Variants in MTUS2 observed in about 807,000 individuals in gnomAD.
MTUS2 encodes microtubule-associated tumor suppressor candidate 2.
MTUS2 carries 40 observed loss-of-function variants against 114.1 expected under a neutral mutation model. The ratio of observed to expected loss-of-function variants is 0.35; its 90% CI spans 0.27 to 0.46. MTUS2 has a LOEUF of 0.46. Among genes scored for constraint, MTUS2 ranks in the 20% least tolerant of loss-of-function variants. The pLI is 1.00. For synonymous variants in MTUS2, 688 were observed against 672.0 expected (o/e 1.02, Z -0.37); for missense variants, 1,679 against 1,705.4 (o/e 0.98, Z 0.27).
At chr13:28,955,084 T>C (rs1030140447) in intron 2 of MTUS2, among the ~76,000 whole-genome samples, 5 of 152,214 alleles carry the variant, frequency 3.3e-5, no homozygotes, top group African/African-American at 1.2e-4. Flanking sequence ...GTTATGTTTA[T>C]TGGCAGAGCT....
At chr13:29,038,414 C>T (rs1475910043) in intron 4 of MTUS2, among the ~76,000 whole-genome samples, 3 of 152,228 alleles carry the variant, frequency 2.0e-5, no homozygotes, top group Non-Finnish European at 4.4e-5. Context: ...CCTCTGGAAG[C>T]TTTGTCCCAG....
intron 9 of MTUS2, among the ~76,000 whole-genome samples, chr13:29,461,378 TG>T (rs1271779205): frequency 6.6e-6 from 1 of 152,204 alleles, no homozygotes; most frequent in African/African-American, 2.4e-5. Context: ...ACATGCTTTT[TG>T]GGGTGATACA....
intron 5 of MTUS2, among the ~76,000 whole-genome samples, chr13:29,231,643 C>T (rs775913781): frequency 2.6e-5 from 4 of 152,192 alleles, no homozygotes; most frequent in Middle Eastern, 3.2e-3. Context: ...CCCTAAAAGG[C>T]TTCATGTTCA....
intron 5 of MTUS2, among the ~76,000 whole-genome samples, chr13:29,135,673 C>T (rs534509227): frequency 1.3e-5 from 2 of 151,842 alleles, no homozygotes; most frequent in South Asian, 2.1e-4. Context: ...ATTTTAATTT[C>T]CTTCTCATTT....
intron 5 of MTUS2, among the ~76,000 whole-genome samples, chr13:29,144,218 C>T (rs1168644146): frequency 6.6e-6 from 1 of 152,198 alleles, no homozygotes; most frequent in African/African-American, 2.4e-5. Flanking sequence ...TACAGAAACT[C>T]AGTAGCTTAA....
At chr13:29,489,497 G>A (rs1004962511) in intron 11 of MTUS2, 2 of 152,172 alleles carry the variant, frequency 1.3e-5, no homozygotes, top group African/African-American at 4.8e-5. Context: ...TATTTTCCTG[G>A]GGACTAGTTA....
intron 2 of MTUS2, among the ~76,000 whole-genome samples, chr13:28,913,662 A>G (rs1035745079): frequency 2.6e-5 from 4 of 151,928 alleles, no homozygotes; most frequent in Admixed American, 6.6e-5. Context: ...TTCCTTTTCA[A>G]TTGTTGGGAA....
chr13:29,420,062 A>G (rs898696780), intron 8 of MTUS2, among the ~76,000 whole-genome samples: 2 of 152,134 alleles, frequency 1.3e-5, no homozygotes, highest in African/African-American at 4.8e-5. Context: ...AAATTAGAAA[A>G]CCATTCCAGA....
At chr13:29,062,970 T>G (rs1245391650) in intron 4 of MTUS2, among the ~76,000 whole-genome samples, 1 of 152,204 alleles carries the variant, frequency 6.6e-6, no homozygotes, top group Non-Finnish European at 1.5e-5. Context: ...TAACCATGCT[T>G]AAAACTTTGA....
chr13:28,857,880 T>G (rs553072640), intron 2 of MTUS2, among the ~76,000 whole-genome samples: 10 of 152,180 alleles, frequency 6.6e-5, no homozygotes, highest in Non-Finnish European at 1.3e-4. Context: ...CAGAGATCCT[T>G]TTGAGTCTCT....
At chr13:28,842,513 A>G (rs1875578297) in intron 2 of MTUS2, among the ~76,000 whole-genome samples, 1 of 152,228 alleles carries the variant, frequency 6.6e-6, no homozygotes, top group African/African-American at 2.4e-5. Flanking sequence ...CACTGGCTTA[A>G]TGAATATTAA....
intron 2 of MTUS2, among the ~76,000 whole-genome samples, chr13:28,907,144 G>T (rs2137990065): frequency 6.6e-6 from 1 of 151,502 alleles, no homozygotes; most frequent in East Asian, 1.9e-4. Context: ...TTCATATCCA[G>T]CCAAACTAAG....
intron 11 of MTUS2, among the ~76,000 whole-genome samples, chr13:29,491,045 GT>G (rs1439744077): frequency 0.012 from 1,737 of 151,016 alleles, 33 homozygotes; most frequent in African/African-American, 0.04. Flanking sequence ...TTGTGTGTGT[GT>G]GTGTGGTGGG....
intron 4 of MTUS2, among the ~76,000 whole-genome samples, chr13:29,091,901 G>T (rs879848001): frequency 1.3e-5 from 2 of 152,216 alleles, no homozygotes; most frequent in African/African-American, 2.4e-5. Flanking sequence ...CAGAGTACAT[G>T]CTTGCTAGAA....
At chr13:29,391,012 A>G (rs2138437146) in intron 8 of MTUS2, among the ~76,000 whole-genome samples, 1 of 152,010 alleles carries the variant, frequency 6.6e-6, no homozygotes, top group East Asian at 2.0e-4. Context: ...CGAACTCCTG[A>G]CCTGCACACC....
At chr13:29,394,822 T>A (rs1873783595) in intron 8 of MTUS2, among the ~76,000 whole-genome samples, 1 of 152,186 alleles carries the variant, frequency 6.6e-6, no homozygotes, top group Non-Finnish European at 1.5e-5. Context: ...ACACAAACCC[T>A]GTTGTTAACG....
At chr13:29,436,220 T>C (rs921889863) in intron 8 of MTUS2, among the ~76,000 whole-genome samples, 2 of 152,198 alleles carry the variant, frequency 1.3e-5, no homozygotes, top group Non-Finnish European at 2.9e-5. Context: ...TTGTTGCATC[T>C]ATCTAAGCAT....
At chr13:29,306,723 G>A (rs1232527712) in intron 6 of MTUS2, 1 of 287,772 alleles carries the variant, frequency 3.5e-6, no homozygotes. Flanking sequence ...TGCTTCTCCT[G>A]TTCGACAGAC....
chr13:29,480,462 G>C lies in MTUS2; in HGVS notation c.3399+98G>C, dbSNP rs773655093. ...ATTAGCAAGAAGTCCTATTCAGTAG[G>C]TGAGCTTTCTGAACAGTTCACTTTC... is the stretch of plus-strand genomic sequence containing the variant. On this transcript the variant is annotated intron_variant, in intron 10 of 15. Coordinates refer to ENST00000612955, the MANE Select transcript of MTUS2 (RefSeq NM_001033602.4). The surrounding 1 kb of genome is among the most constrained non-coding windows in gnomAD (Gnocchi z 4.4). 1.2e-5 allele frequency: 16 copies of C among 1,289,048 alleles called. No individual in the cohort carries two copies. The highest frequency in any genetic ancestry group is 1.7e-5 in the Non-Finnish European group (16 of 957,534). 79.9% of individuals were successfully genotyped at this position (1,289,048 alleles called of 1,614,324 possible).
Sources: allele counts gnomAD v4.1 joint callset (sites outside exome capture counted in the v4.1 genomes callset), GRCh38; gene constraint gnomAD v4.1.1; non-coding constraint Gnocchi (gnomAD v3.1); transcripts MANE v1.5; gene names NCBI Gene and HGNC (gene_info 2026-07-23, HGNC 2026-07-21).